Variants in PLCB4 observed in about 807,000 individuals in gnomAD.
PLCB4 encodes 1-phosphatidylinositol 4,5-bisphosphate phosphodiesterase beta-4.
A neutral mutation model predicts 178.8 loss-of-function variants in PLCB4; 77 were observed. The observed-to-expected ratio is 0.43, with a 90% confidence interval of 0.36 to 0.52. The LOEUF (loss-of-function observed/expected upper bound fraction) is 0.52, where lower values mean the gene tolerates loss of function less well. Among genes scored for constraint, PLCB4 ranks in the 20% least tolerant of loss-of-function variants. The pLI is 0.00. For missense variants in PLCB4, 1,024 were observed against 1,453.4 expected, an observed-to-expected ratio of 0.70 and a Z score of 4.80; for synonymous variants, 496 against 490.8, an observed-to-expected ratio of 1.01 and a Z score of -0.14.
intron 2 of PLCB4, among the ~76,000 whole-genome samples, chr20:9,109,789 A>G (rs1023347517): frequency 2.0e-5 from 3 of 152,178 alleles, no homozygotes; most frequent in African/African-American, 7.2e-5. Flanking sequence ...ACTGAACTGC[A>G]GTCATTGTCT....
intron 13 of PLCB4, among the ~76,000 whole-genome samples, chr20:9,381,980 T>A (rs2037180763): frequency 6.6e-6 from 1 of 152,198 alleles, no homozygotes; most frequent in Non-Finnish European, 1.5e-5. Flanking sequence ...TCTCCAGTCC[T>A]AACCTCCAGC....
chr20:9,348,508 T>C (rs539991562), intron 7 of PLCB4, among the ~76,000 whole-genome samples: 9 of 152,136 alleles, frequency 5.9e-5, no homozygotes, highest in South Asian at 4.1e-4. Context: ...CATGACCTGC[T>C]ATGGGTGATG....
intron 2 of PLCB4, among the ~76,000 whole-genome samples, chr20:9,157,888 T>C (rs567079108): frequency 1.3e-5 from 2 of 152,316 alleles, no homozygotes; most frequent in South Asian, 4.1e-4. Context: ...GCTGTGATCA[T>C]GCCATTTCAC....
intron 3 of PLCB4, among the ~76,000 whole-genome samples, chr20:9,255,614 C>T (rs1180226382): frequency 6.6e-6 from 1 of 151,458 alleles, no homozygotes; most frequent in Admixed American, 6.6e-5. Flanking sequence ...TTATTTATCC[C>T]ACTTAGAGTG....
intron 1 of PLCB4, among the ~76,000 whole-genome samples, chr20:9,071,851 T>C (rs1353661505): frequency 6.6e-6 from 1 of 152,210 alleles, no homozygotes; most frequent in Non-Finnish European, 1.5e-5. Flanking sequence ...TTGTTTGTGA[T>C]CACTTATAAA....
chr20:9,134,692 C>G (rs1361944023), intron 2 of PLCB4, among the ~76,000 whole-genome samples: 1 of 152,056 alleles, frequency 6.6e-6, no homozygotes, highest in Non-Finnish European at 1.5e-5. Flanking sequence ...CCCAGAAAGT[C>G]CTTCTCAGAG....
chr20:9,338,812 T>C, intron 6 of PLCB4, 82 bp from the exon 7 acceptor site: 1 of 1,027,608 alleles, frequency 9.7e-7, no homozygotes. Context: ...TTACATTAAA[T>C]GTGGTTTCTT....
chr20:9,160,346 A>T (rs913663520), intron 2 of PLCB4, among the ~76,000 whole-genome samples: 1 of 152,118 alleles, frequency 6.6e-6, no homozygotes, highest in Non-Finnish European at 1.5e-5. Flanking sequence ...GTCCTCAAGG[A>T]AGTGGACCAT....
At chr20:9,322,523 A>G (rs562431852) in intron 4 of PLCB4, among the ~76,000 whole-genome samples, 3 of 152,230 alleles carry the variant, frequency 2.0e-5, no homozygotes, top group Non-Finnish European at 4.4e-5. Context: ...GAGTCAGTAT[A>G]GCTTCCCAGG....
chr20:9,298,729 T>C (rs2094668751), intron 3 of PLCB4, among the ~76,000 whole-genome samples: 1 of 152,134 alleles, frequency 6.6e-6, no homozygotes, highest in Non-Finnish European at 1.5e-5. Context: ...ATATTTTTAT[T>C]CATCTATTTG....
At chr20:9,367,881 G>A (rs1304350052) in intron 9 of PLCB4, among the ~76,000 whole-genome samples, 3 of 152,072 alleles carry the variant, frequency 2.0e-5, no homozygotes, top group Non-Finnish European at 4.4e-5. Context: ...AGCTCTCTTT[G>A]ACATGGACTC....
At chr20:9,419,954 G>C (rs1357928258) in intron 26 of PLCB4, 45 bp downstream of exon 26, 1 of 1,141,886 alleles carries the variant, frequency 8.8e-7, no homozygotes, top group Admixed American at 1.7e-5. Flanking sequence ...GTATACACAA[G>C]TGGTCCTTGA....
At chr20:9,171,378 G>A (rs1161873831) in intron 2 of PLCB4, among the ~76,000 whole-genome samples, 1 of 152,178 alleles carries the variant, frequency 6.6e-6, no homozygotes, top group Non-Finnish European at 1.5e-5. Context: ...AAAAAGTACA[G>A]TATGCAATCC....
At chr20:9,281,789 G>GA (rs1284638268) in intron 3 of PLCB4, among the ~76,000 whole-genome samples, 7 of 151,394 alleles carry the variant, frequency 4.6e-5, no homozygotes, top group African/African-American at 7.3e-5. Flanking sequence ...TAGTTTAATT[G>GA]AAAAAAAATT....
intron 4 of PLCB4, among the ~76,000 whole-genome samples, chr20:9,312,394 A>ACGCACG (rs11474164): frequency 1.3e-3 from 184 of 143,992 alleles, no homozygotes; most frequent in Admixed American, 3.6e-3. Context: ...ACACACACAC[A>ACGCACG]CACGCACGCA....
At chr20:9,282,615 A>T (rs1047624110) in intron 3 of PLCB4, among the ~76,000 whole-genome samples, 18 of 152,024 alleles carry the variant, frequency 1.2e-4, no homozygotes, top group African/African-American at 4.3e-4. Flanking sequence ...CCTCACAGAG[A>T]TCTGTCATCC....
chr20:9,357,353 C>G (rs1486375969), intron 7 of PLCB4, among the ~76,000 whole-genome samples: 1 of 152,158 alleles, frequency 6.6e-6, no homozygotes, highest in Non-Finnish European at 1.5e-5. Flanking sequence ...AGTTTCCATT[C>G]TAGTGAACAC....
intron 1 of PLCB4, among the ~76,000 whole-genome samples, chr20:9,093,500 G>C (rs2090771629): frequency 6.6e-6 from 1 of 152,116 alleles, no homozygotes; most frequent in South Asian, 2.1e-4. Flanking sequence ...TATTGGAAAG[G>C]AAACAGATTG....
intron 10 of PLCB4, among the ~76,000 whole-genome samples, 154 bp downstream of exon 10, chr20:9,371,449 T>C (rs1279699540): frequency 6.6e-6 from 1 of 152,144 alleles, no homozygotes; most frequent in Non-Finnish European, 1.5e-5. Flanking sequence ...TTTTCTTTCT[T>C]CTTCCTCCCT....
Sources: allele counts gnomAD v4.1 joint callset (sites outside exome capture counted in the v4.1 genomes callset), GRCh38; gene constraint gnomAD v4.1.1; transcripts MANE v1.5; gene names NCBI Gene and HGNC (gene_info 2026-07-23, HGNC 2026-07-21).